Variants in PCDHGB6 observed in about 807,000 individuals in gnomAD.
PCDHGB6 encodes protocadherin gamma subfamily B, 6, also known as protocadherin gamma-B6.
In PCDHGB6, 51 loss-of-function variants were observed where a neutral mutation model predicts 59.1. The observed-to-expected ratio is 0.86, with a 90% confidence interval of 0.69 to 1.09. PCDHGB6 has a LOEUF of 1.09. Among genes scored for constraint, PCDHGB6 ranks in the 50% least tolerant of loss-of-function variants. PCDHGB6 has a pLI of 0.00. For synonymous variants in PCDHGB6, 466 were observed against 495.1 expected, an observed-to-expected ratio of 0.94 and a Z score of 0.78; for missense variants, 1,148 against 1,205.1, an observed-to-expected ratio of 0.95 and a Z score of 0.70.
At chr5:141,446,055 G>A (rs1431833512) in intron 1 of PCDHGB6, among the ~76,000 whole-genome samples, 1 of 152,190 alleles carries the variant, frequency 6.6e-6, no homozygotes, top group Non-Finnish European at 1.5e-5. Flanking sequence ...AGCTGGCTTG[G>A]ATTAAAGGGG....
chr5:141,492,146 C>T (rs979485619), intron 1 of PCDHGB6, among the ~76,000 whole-genome samples: 3 of 152,242 alleles, frequency 2.0e-5, no homozygotes, highest in African/African-American at 4.8e-5. Flanking sequence ...TGTGACTTCA[C>T]TGTTACCCTC....
intron 2 of PCDHGB6, 99 bp downstream of exon 2, chr5:141,494,964 G>A (rs2099757882): frequency 1.3e-6 from 2 of 1,594,380 alleles, no homozygotes; most frequent in Non-Finnish European, 8.5e-7. Context: ...GCTACAGATG[G>A]CTTCTCCCTC....
At chr5:141,504,500 GAGTGGATCT>G (rs2099838791) in intron 2 of PCDHGB6, among the ~76,000 whole-genome samples, 1 of 152,072 alleles carries the variant, frequency 6.6e-6, no homozygotes, top group Non-Finnish European at 1.5e-5. Context: ...TGCCCAGTCT[GAGTGGATCT>G]CCTCTGATAT....
In PCDHGB6 at chr5:141,485,615, C is replaced by G; in HGVS notation, c.2419-9192C>G. ...CTTGGAAATTGGGGAGGCAGCTCCTCCAGGACAGCGTTTCCCGTTGGAAAA... is the reference window on the plus strand; with the variant it reads ...CTTGGAAATTGGGGAGGCAGCTCCTGCAGGACAGCGTTTCCCGTTGGAAAA... On this transcript the variant is annotated intron_variant, in intron 1 of 3. Coordinates refer to ENST00000520790, the MANE Select transcript of PCDHGB6 (RefSeq NM_018926.3). This position sits in a 1 kb window ranked among gnomAD's most constrained non-coding sequence, Gnocchi z 5.7. 6.2e-7 allele frequency: 1 copy of G among 1,612,250 alleles called. No individual in the cohort carries two copies. The highest frequency in any genetic ancestry group is 1.3e-5 in the African/African-American group (1 of 74,992).
Position 141,476,788 on chromosome 5 carries a change from C to G in PCDHGB6, c.2419-18019C>G. 1 of 1,613,478 alleles carries G rather than the reference C, an allele frequency of 6.2e-7. No homozygotes were observed. Among genetic ancestry groups the G allele is most frequent in the Non-Finnish European group, 8.5e-7 (1 of 1,180,032 alleles). ...CGTTGGACGGAGGGACCCCAGCTCT[C>G]TCCGCCAGCCTGCCTATTCACATCA... On this transcript the variant is annotated intron_variant, in intron 1 of 3. Coordinates refer to ENST00000520790, the MANE Select transcript of PCDHGB6 (RefSeq NM_018926.3). This position sits in a 1 kb window ranked among gnomAD's most constrained non-coding sequence, Gnocchi z 7.6.
In PCDHGB6 at chr5:141,432,976, C is replaced by A. The variant is rs373558125; in HGVS notation, c.2418+22356C>A. The stretch of plus-strand genomic sequence containing the variant: ...GCTTGACAGGAGCGCCGGCGTCGCA[C>A]TTTGTGGGCGTGGACGGGGTGCAGG... On this transcript the variant is annotated intron_variant, in intron 1 of 3. Coordinates refer to ENST00000520790, the MANE Select transcript of PCDHGB6 (RefSeq NM_018926.3). This position sits in a 1 kb window ranked among gnomAD's most constrained non-coding sequence, Gnocchi z 6.0. 1 of 1,614,210 alleles carries A rather than the reference C, an allele frequency of 6.2e-7. No individual in the cohort carries two copies.
intron 3 of PCDHGB6, among the ~76,000 whole-genome samples, chr5:141,508,711 T>G (rs1201917424): frequency 6.6e-6 from 1 of 152,058 alleles, no homozygotes; most frequent in Admixed American, 6.5e-5. Flanking sequence ...CTCATTCTTT[T>G]CTGTGTGCAG....
Position 141,409,169 on chromosome 5 carries a change from G to A in PCDHGB6, c.967G>A (p.Asp323Asn), listed in dbSNP as rs371896881. Residue 323 changes from aspartate to asparagine, a missense_variant, in exon 1 of 4, where the codon GAC becomes AAC. Asp to Asn is a conservative substitution (Grantham distance 23). Transcript: ENST00000520790. ...ERYTMEVEAK[D>N]GGGLSTQCKV... is the part of the protein sequence containing the mutation. The stretch of plus-strand genomic sequence containing the variant: ...GTACACCATGGAAGTGGAAGCGAAG[G>A]ACGGAGGTGGTCTCTCTACCCAGTG... The A allele has an allele frequency of 3.5e-5, 56 of 1,613,906 alleles. No homozygotes were observed. Among genetic ancestry groups the A allele is most frequent in the Non-Finnish European group, 4.2e-5 (50 of 1,179,910 alleles).
At chr5:141,492,423 G>C (rs1164828445) in intron 1 of PCDHGB6, among the ~76,000 whole-genome samples, 1 of 152,222 alleles carries the variant, frequency 6.6e-6, no homozygotes, top group African/African-American at 2.4e-5. Context: ...CCCTCCGCCG[G>C]GCTCAGGAGT....
At chr5:141,458,264 G>A (rs1489144612) in intron 1 of PCDHGB6, among the ~76,000 whole-genome samples, 3 of 152,092 alleles carry the variant, frequency 2.0e-5, no homozygotes, top group Non-Finnish European at 2.9e-5. Flanking sequence ...GATGAGTGGA[G>A]GAACAACAGG....
intron 1 of PCDHGB6, chr5:141,478,378 G>A (rs1454112813): frequency 6.2e-7 from 1 of 1,613,558 alleles, no homozygotes; most frequent in Admixed American, 1.7e-5. Context: ...TGATGTCGCC[G>A]CACCTTTACC....
rs1345498022 is a variant in PCDHGB6 at position 141,493,312 on chromosome 5, A to G, written c.2419-1495A>G. On this transcript the variant is annotated intron_variant, in intron 1 of 3. Coordinates refer to ENST00000520790, the MANE Select transcript of PCDHGB6 (RefSeq NM_018926.3). This position sits in a 1 kb window ranked among gnomAD's most constrained non-coding sequence, Gnocchi z 4.3. ...CTCAAGTTCACAGAGCAAGTAAGAG[A>G]GATTCTAACCCCTGTCTAACTCCAG... 6.6e-6 allele frequency among the ~76,000 whole-genome samples: 1 copy of G among 152,174 alleles called. No individual in the cohort carries two copies. Among genetic ancestry groups the G allele is most frequent in the Non-Finnish European group, 1.5e-5 (1 of 68,028 alleles).
intron 1 of PCDHGB6, among the ~76,000 whole-genome samples, chr5:141,437,490 A>C (rs549866784): frequency 6.6e-6 from 1 of 152,190 alleles, no homozygotes; most frequent in African/African-American, 2.4e-5. Flanking sequence ...AATCTCGTAG[A>C]TCACTTTTCA....
At position 141,431,260 on chromosome 5, in the gene PCDHGB6, G is replaced by A. The variant is rs762250032; in HGVS notation, c.2418+20640G>A. The A allele has an allele frequency of 6.2e-7, 1 of 1,614,170 alleles. No individual in the cohort carries two copies. The highest frequency in any genetic ancestry group is 2.2e-5 in the East Asian group (1 of 44,892). On this transcript the variant is annotated intron_variant, in intron 1 of 3. Coordinates refer to ENST00000520790, the MANE Select transcript of PCDHGB6 (RefSeq NM_018926.3). The surrounding 1 kb of genome is among the most constrained non-coding windows in gnomAD (Gnocchi z 4.8). The stretch of plus-strand genomic sequence containing the variant: ...ATCCGGATATCGGGAAGAACTCTCT[G>A]CAGAGCTACGAGCTCAGCCCGAACA...
chr5:141,510,223 G>C (rs944276162), intron 3 of PCDHGB6, among the ~76,000 whole-genome samples: 1 of 151,302 alleles, frequency 6.6e-6, no homozygotes, highest in African/African-American at 2.4e-5. Context: ...CAGTGAGCCG[G>C]GATCGCGCCA....
intron 1 of PCDHGB6, chr5:141,422,717 T>A: frequency 6.2e-7 from 1 of 1,604,832 alleles, no homozygotes; most frequent in Non-Finnish European, 8.5e-7. Flanking sequence ...GATGACACTG[T>A]CCAGGGGGTG....
At chr5:141,509,069 G>T (rs1463164307) in intron 3 of PCDHGB6, among the ~76,000 whole-genome samples, 1 of 152,174 alleles carries the variant, frequency 6.6e-6, no homozygotes, top group Non-Finnish European at 1.5e-5. Flanking sequence ...CTCAGCTCCG[G>T]GGATTTGCGA....
chr5:141,472,412 G>A (rs1283620276), intron 1 of PCDHGB6, among the ~76,000 whole-genome samples: 8 of 151,940 alleles, frequency 5.3e-5, no homozygotes, highest in Non-Finnish European at 8.8e-5. Context: ...GTGGTGGCAC[G>A]CACCTGTATC....
intron 1 of PCDHGB6, chr5:141,418,387 G>C (rs1172239604): frequency 1.9e-6 from 3 of 1,613,884 alleles, no homozygotes; most frequent in Non-Finnish European, 2.5e-6. Flanking sequence ...GTCCTAACGA[G>C]TATTTCTCAT....
Sources: allele counts gnomAD v4.1 joint callset (sites outside exome capture counted in the v4.1 genomes callset), GRCh38; gene constraint gnomAD v4.1.1; non-coding constraint Gnocchi (gnomAD v3.1); transcripts MANE v1.5; gene names NCBI Gene and HGNC (gene_info 2026-07-23, HGNC 2026-07-21).